PTPRK: variants seen among roughly 807,000 people sequenced by gnomAD.
The protein encoded by PTPRK is protein tyrosine phosphatase receptor type K, also known as receptor-type tyrosine-protein phosphatase kappa.
In PTPRK, 75 loss-of-function variants were observed where a neutral mutation model predicts 178.0. The ratio of observed to expected loss-of-function variants is 0.42; its 90% CI spans 0.35 to 0.51. The LOEUF is 0.51. Ranked by LOEUF, PTPRK falls within the 20% of genes least tolerant of loss-of-function variation. The pLI is 0.02. For missense variants in PTPRK, 1,441 were observed against 1,797.8 expected (o/e 0.80, Z 3.59); for synonymous variants, 637 against 620.6 (o/e 1.03, Z -0.39).
chr6:128,507,065 A>T (rs1203084578), intron 1 of PTPRK, among the ~76,000 whole-genome samples: 1 of 152,104 alleles, frequency 6.6e-6, no homozygotes, highest in Non-Finnish European at 1.5e-5. Flanking sequence ...AAACTGAAGG[A>T]AAGTGGTCAG....
At chr6:128,099,484 T>A (rs1249984897) in intron 7 of PTPRK, among the ~76,000 whole-genome samples, 1 of 152,078 alleles carries the variant, frequency 6.6e-6, no homozygotes. Flanking sequence ...ATTTTGTTCC[T>A]TAGAAAGATT....
Position 128,009,286 on chromosome 6 carries a change from A to T in PTPRK, c.2195-18T>A. On this transcript the variant is annotated intron_variant, in intron 13 of 29. Coordinates refer to ENST00000368226, the MANE Select transcript of PTPRK (RefSeq NM_002844.4). The stretch of plus-strand genomic sequence containing the variant: ...TGCTGCTGCTAAATGGATAAAAAAA[A>T]AAATCAGTTACTGAAAGAAGCTAAT... 6.3e-7 allele frequency: 1 copy of T among 1,592,448 alleles called. No homozygotes were observed. The highest frequency in any genetic ancestry group is 1.1e-5 in the South Asian group (1 of 87,098).
At chr6:128,255,534 G>T (rs1817142281) in intron 3 of PTPRK, among the ~76,000 whole-genome samples, 1 of 152,330 alleles carries the variant, frequency 6.6e-6, no homozygotes, top group Admixed American at 6.5e-5. Context: ...TTTAGATGTT[G>T]TCTATGAAAA....
intron 11 of PTPRK, among the ~76,000 whole-genome samples, chr6:128,073,540 C>T (rs953108703): frequency 6.6e-6 from 1 of 151,788 alleles, no homozygotes; most frequent in African/African-American, 2.4e-5. Flanking sequence ...AACATATTAC[C>T]CTGAAATTCT....
intron 5 of PTPRK, among the ~76,000 whole-genome samples, chr6:128,234,935 T>C (rs1486850285): frequency 5.3e-5 from 8 of 152,214 alleles, no homozygotes; most frequent in Non-Finnish European, 7.4e-5. Flanking sequence ...AGTTACAATC[T>C]AGTGTTCAGT....
At chr6:128,270,499 T>C (rs1583815246) in intron 3 of PTPRK, among the ~76,000 whole-genome samples, 1 of 152,120 alleles carries the variant, frequency 6.6e-6, no homozygotes, top group East Asian at 1.9e-4. Flanking sequence ...GGAAGACACA[T>C]ACAGTGACCA....
intron 13 of PTPRK, among the ~76,000 whole-genome samples, chr6:128,018,495 ATT>A (rs75812013): frequency 1.4e-5 from 2 of 144,930 alleles, no homozygotes. Context: ...GGTGGCCTTA[ATT>A]TTTTTTTTTT....
At chr6:128,407,067 C>T (rs1175674601) in intron 1 of PTPRK, among the ~76,000 whole-genome samples, 11 of 152,214 alleles carry the variant, frequency 7.2e-5, no homozygotes, top group Non-Finnish European at 2.9e-5. Flanking sequence ...CTTCCAACTA[C>T]TACTTAGAAA....
intron 2 of PTPRK, among the ~76,000 whole-genome samples, chr6:128,379,876 A>T (rs1837632157): frequency 6.6e-6 from 1 of 152,146 alleles, no homozygotes; most frequent in African/African-American, 2.4e-5. Context: ...AATATTTGCT[A>T]TCTAATATTT....
chr6:128,321,919 G>T lies in PTPRK; in HGVS notation c.495+120C>A, dbSNP rs750788128. 2.3e-6 allele frequency: 3 copies of T among 1,282,552 alleles called. No homozygotes were observed. In the South Asian group the frequency reaches 3.7e-5, roughly 16 times the overall value. 79.4% of individuals were successfully genotyped at this position (1,282,552 alleles called of 1,614,324 possible). Reference sequence around the variant, plus strand: ...GTATGACACTTCCCCAATAATGGGGGTGGGGGAGGCAAGAGGGCAATCTCT... The same window carrying T: ...GTATGACACTTCCCCAATAATGGGGTTGGGGGAGGCAAGAGGGCAATCTCT... On this transcript the variant is annotated intron_variant, in intron 3 of 29. Transcript: ENST00000368226.
chr6:128,452,649 T>C (rs573336828), intron 1 of PTPRK, among the ~76,000 whole-genome samples: 1 of 152,276 alleles, frequency 6.6e-6, no homozygotes, highest in South Asian at 2.1e-4. Context: ...GAACTGATCA[T>C]GATTAGTCAA....
chr6:128,354,229 A>ATGT (rs1833601125), intron 2 of PTPRK, among the ~76,000 whole-genome samples: 3 of 27,748 alleles, frequency 1.1e-4, no homozygotes, highest in Non-Finnish European at 7.7e-5. Flanking sequence ...TTTTTTGTTT[A>ATGT]TGTTTTTTTT....
At chr6:128,156,703 G>A (rs1055609526) in intron 7 of PTPRK, among the ~76,000 whole-genome samples, 1 of 151,872 alleles carries the variant, frequency 6.6e-6, no homozygotes, top group African/African-American at 2.4e-5. Context: ...AAAAAGATGA[G>A]AGGAATATAC....
Position 128,066,966 on chromosome 6 carries a change from C to T in PTPRK, c.2157+553G>A, listed in dbSNP as rs535898366. On this transcript the variant is annotated intron_variant, in intron 12 of 29. Coordinates refer to ENST00000368226, the MANE Select transcript of PTPRK (RefSeq NM_002844.4). ...GCAGCCTTCTGTAATGGCTCAGCAGCCAGTCATCGCCAGGCTGCCTTTTGT... is the reference window on the plus strand; with the variant it reads ...GCAGCCTTCTGTAATGGCTCAGCAGTCAGTCATCGCCAGGCTGCCTTTTGT... Among the ~76,000 whole-genome samples the T allele has an allele frequency of 9.8e-5, 15 of 152,286 alleles. 1 individual carries two copies. The South Asian group carries it at 3.1e-3, about 32-fold the overall frequency.
At chr6:128,136,745 G>C (rs1052042914) in intron 7 of PTPRK, among the ~76,000 whole-genome samples, 1 of 152,122 alleles carries the variant, frequency 6.6e-6, no homozygotes, top group African/African-American at 2.4e-5. Flanking sequence ...GTGGACAAGG[G>C]TGGAGCTATA....
At chr6:128,245,968 T>G (rs1321018572) in intron 3 of PTPRK, among the ~76,000 whole-genome samples, 2 of 152,134 alleles carry the variant, frequency 1.3e-5, no homozygotes, top group African/African-American at 4.8e-5. Flanking sequence ...CTTAACCCCA[T>G]AATATGAATA....
intron 2 of PTPRK, chr6:128,340,862 T>G: frequency 2.4e-6 from 1 of 422,950 alleles, no homozygotes; most frequent in Non-Finnish European, 4.5e-6. Flanking sequence ...GTTATTTTTC[T>G]TTAATATTAA....
chr6:128,129,282 A>G (rs879927149), intron 7 of PTPRK, among the ~76,000 whole-genome samples: 3 of 152,188 alleles, frequency 2.0e-5, no homozygotes, highest in Non-Finnish European at 4.4e-5. Flanking sequence ...TATTCAAGAA[A>G]GAGGTAATAT....
At chr6:128,439,981 C>A (rs922752822) in intron 1 of PTPRK, among the ~76,000 whole-genome samples, 3 of 152,160 alleles carry the variant, frequency 2.0e-5, no homozygotes, top group Admixed American at 1.3e-4. Flanking sequence ...GAGCCTTGAA[C>A]AACAGAGCTG....
Sources: gnomAD v4.1 joint callset for allele counts (sites outside exome capture counted in the v4.1 genomes callset) on GRCh38, gnomAD v4.1.1 for gene constraint, MANE v1.5 for transcripts, NCBI Gene and HGNC (gene_info 2026-07-23, HGNC 2026-07-21) for gene names.